PATJ: variants seen among roughly 807,000 people sequenced by gnomAD.
PATJ encodes inaD-like protein.
PATJ carries 190 observed loss-of-function variants against 224.9 expected under a neutral mutation model. The observed-to-expected ratio is 0.84, with a 90% CI of 0.75 to 0.95. The LOEUF is 0.95. PATJ is among the 40% of genes least tolerant of loss of function. The probability of loss-of-function intolerance (pLI) is 0.00; values close to 1 mark genes in which losing one functional copy is unlikely to be tolerated. For missense variants in PATJ, 2,121 were observed against 2,270.3 expected (o/e 0.93, Z 1.34); for synonymous variants, 769 against 820.3 (o/e 0.94, Z 1.07).
At chr1:62,069,580 A>G (rs1319586185) in intron 31 of PATJ, among the ~76,000 whole-genome samples, 1 of 152,180 alleles carries the variant, frequency 6.6e-6, no homozygotes, top group Admixed American at 6.5e-5. Flanking sequence ...GTCAGACCAG[A>G]TGCTTTTCAG....
In PATJ at chr1:61,975,092, G is replaced by A. The variant is rs142491349; in HGVS notation, c.3671-15076G>A. ...CCTGAGTAGCTGGGACTATAGGCAT[G>A]AGCCACCACACCTGGCTAATGTTCT... On this transcript the variant is annotated intron_variant, in intron 27 of 43. Coordinates refer to ENST00000642238, the MANE Select transcript of PATJ (RefSeq NM_001350145.3). 3.9e-5 allele frequency among the ~76,000 whole-genome samples: 6 copies of A among 152,080 alleles called. No individual in the cohort carries two copies. The East Asian group carries it at 9.7e-4, about 24-fold the overall frequency.
intron 28 of PATJ, among the ~76,000 whole-genome samples, chr1:61,992,567 G>A (rs533270982): frequency 6.6e-6 from 1 of 152,172 alleles, no homozygotes; most frequent in East Asian, 1.9e-4. Flanking sequence ...CTTGGTACAT[G>A]GAAATACTCC....
At chr1:62,135,296 T>A (rs1250110138) in intron 41 of PATJ, among the ~76,000 whole-genome samples, 1 of 151,832 alleles carries the variant, frequency 6.6e-6, no homozygotes, top group African/African-American at 2.4e-5. Flanking sequence ...GTGGGGGGGA[T>A]CGCTTCAGGT....
At chr1:61,879,064 G>A (rs756942385) in intron 21 of PATJ, among the ~76,000 whole-genome samples, 4 of 152,210 alleles carry the variant, frequency 2.6e-5, no homozygotes, top group Non-Finnish European at 2.9e-5. Flanking sequence ...GATTACAGGC[G>A]TGAGCCACCG....
intron 31 of PATJ, 64 bp downstream of exon 31, chr1:62,051,122 C>G: frequency 8.1e-7 from 1 of 1,231,766 alleles, no homozygotes; most frequent in East Asian, 2.5e-5. Context: ...ATATTTTGTA[C>G]CACCTTGGAA....
intron 30 of PATJ, among the ~76,000 whole-genome samples, chr1:62,040,090 C>A (rs1000687494): frequency 1.3e-5 from 2 of 151,312 alleles, no homozygotes; most frequent in Admixed American, 6.6e-5. Context: ...GCGATACTGG[C>A]ATTTCTTTCT....
chr1:61,936,707 G>A (rs1676940203), intron 27 of PATJ, among the ~76,000 whole-genome samples: 1 of 151,932 alleles, frequency 6.6e-6, no homozygotes, highest in Admixed American at 6.6e-5. Context: ...AAGTAGCTGG[G>A]ATTACAGGCA....
At chr1:62,128,263 C>A in intron 40 of PATJ, 169 bp downstream of exon 40, 1 of 593,818 alleles carries the variant, frequency 1.7e-6, no homozygotes, top group Non-Finnish European at 2.9e-6. Context: ...CATTAGGTCC[C>A]CAGGCACATA....
chr1:62,020,486 C>T (rs1558050744), intron 29 of PATJ, among the ~76,000 whole-genome samples: 1 of 152,152 alleles, frequency 6.6e-6, no homozygotes, highest in Non-Finnish European at 1.5e-5. Context: ...TAAAACCCTC[C>T]TCCTTCCATA....
At position 62,153,402 on chromosome 1, in the gene PATJ, G is replaced by C. The variant is rs1668829024; in HGVS notation, c.5423G>C (p.Gly1808Ala). The C allele has an allele frequency of 8.1e-7, 1 of 1,231,692 alleles. No homozygotes were observed. The allele number at this position is 1,231,692 out of a possible 1,614,324, so 76.3% of individuals were successfully genotyped here. Reference protein sequence around the residue: ...KIITLEKGSEGLGFSIVGGYG... With the variant: ...KIITLEKGSEALGFSIVGGYG... ...ATTACTTTGGAGAAAGGCTCTGAAG[G>C]CTTGGGGTTTAGTATTGTAGGGGGT... The change falls in exon 43 of 44, where the codon GGC becomes GCC. Residue 1808 changes from glycine (G) to alanine (A), a missense_variant. Physicochemically the swap from Gly to Ala is moderately conservative, Grantham distance 60. Transcript: ENST00000642238.
At position 61,855,147 on chromosome 1, in the gene PATJ, G is replaced by A. The variant is rs553524441; in HGVS notation, c.2113-883G>A. Among the ~76,000 whole-genome samples, 4 of 152,052 alleles carry A rather than the reference G, an allele frequency of 2.6e-5. No homozygotes were observed. In the South Asian group the frequency reaches 8.3e-4, roughly 32 times the overall value. ...TTTCCCATTTTATATTTATGATTACGTTCATGCTTTTCTTGGAGCTTACTT... is the reference window on the plus strand; with the variant it reads ...TTTCCCATTTTATATTTATGATTACATTCATGCTTTTCTTGGAGCTTACTT... On this transcript the variant is annotated intron_variant, in intron 17 of 43. Coordinates refer to ENST00000642238, the MANE Select transcript of PATJ (RefSeq NM_001350145.3).
chr1:62,122,280 G>T (rs759120424), intron 38 of PATJ, among the ~76,000 whole-genome samples: 2 of 146,426 alleles, frequency 1.4e-5, no homozygotes, highest in Non-Finnish European at 3.0e-5. Context: ...CAGGAGAATC[G>T]CTTGAACCCA....
Position 62,067,131 on chromosome 1 carries a change from T to C in PATJ, c.4126-12319T>C, listed in dbSNP as rs1246595249. Among the ~76,000 whole-genome samples the C allele has an allele frequency of 3.5e-5, 5 of 144,052 alleles. 1 individual carries two copies. Among genetic ancestry groups the C allele is most frequent in the African/African-American group, 7.7e-5 (3 of 38,980 alleles). The allele number at this position is 144,052 out of a possible 152,430, so 94.5% of individuals were successfully genotyped here. ...CATAATTCCTATTCTTTCTTTTTTT[T>C]TTTTTTTTTTTTTGAGATGGAGTCT... On this transcript the variant is annotated intron_variant, in intron 31 of 43. Coordinates refer to ENST00000642238, the MANE Select transcript of PATJ (RefSeq NM_001350145.3).
chr1:62,081,833 C>G (rs1024136575), intron 32 of PATJ, among the ~76,000 whole-genome samples: 4 of 152,312 alleles, frequency 2.6e-5, no homozygotes, highest in South Asian at 4.1e-4. Flanking sequence ...TCCCAAAGTG[C>G]TGAGGTTACA....
intron 29 of PATJ, among the ~76,000 whole-genome samples, chr1:62,019,242 C>CA (rs57010731): frequency 0.18 from 15,049 of 85,626 alleles, 974 homozygotes; most frequent in Non-Finnish European, 0.2. Flanking sequence ...GAGATTGTCT[C>CA]AAAAAAAAAA....
chr1:61,949,614 A>G (rs1276958740), intron 27 of PATJ, among the ~76,000 whole-genome samples: 1 of 152,256 alleles, frequency 6.6e-6, no homozygotes, highest in African/African-American at 2.4e-5. Context: ...ATTACTTCCA[A>G]GAAGTGAATA....
At chr1:62,084,861 T>C (rs1039575274) in intron 33 of PATJ, among the ~76,000 whole-genome samples, 1 of 152,196 alleles carries the variant, frequency 6.6e-6, no homozygotes, top group Non-Finnish European at 1.5e-5. Context: ...CTCACACTTA[T>C]AATCCCAGCA....
chr1:62,109,758 A>G (rs1206481535), intron 34 of PATJ, among the ~76,000 whole-genome samples: 1 of 152,204 alleles, frequency 6.6e-6, no homozygotes, highest in Non-Finnish European at 1.5e-5. Context: ...TAAGTCCGCA[A>G]GTTATAATGG....
chr1:62,039,527 GAAAT>G (rs1321446344), intron 30 of PATJ, among the ~76,000 whole-genome samples: 3 of 152,194 alleles, frequency 2.0e-5, no homozygotes, highest in Non-Finnish European at 2.9e-5. Context: ...TACAAATTAA[GAAAT>G]AAATAAACCA....
Sources: gnomAD v4.1 joint callset for allele counts (sites outside exome capture counted in the v4.1 genomes callset) on GRCh38, gnomAD v4.1.1 for gene constraint, MANE v1.5 for transcripts, NCBI Gene and HGNC (gene_info 2026-07-23, HGNC 2026-07-21) for gene names.